CACNA1B: variants seen among roughly 807,000 people sequenced by gnomAD.
CACNA1B encodes voltage-dependent N-type calcium channel subunit alpha-1B.
A neutral mutation model predicts 247.2 loss-of-function variants in CACNA1B; 70 were observed. That is an observed-to-expected ratio of 0.28 (90% CI 0.23 to 0.35). CACNA1B has a LOEUF of 0.35. CACNA1B is among the 10% of genes least tolerant of loss of function. CACNA1B has a pLI of 1.00. For missense variants in CACNA1B, 2,367 were observed against 3,197.4 expected (o/e 0.74, Z 6.26); for synonymous variants, 1,231 against 1,294.4 (o/e 0.95, Z 1.05).
chr9:137,889,143 G>A (rs1957059729), intron 3 of CACNA1B, among the ~76,000 whole-genome samples: 1 of 150,346 alleles, frequency 6.7e-6, no homozygotes. Flanking sequence ...TCTGAACACA[G>A]GTGACAAGAG....
intron 39 of CACNA1B, among the ~76,000 whole-genome samples, chr9:138,111,329 G>A (rs1420694558): frequency 6.6e-6 from 1 of 152,246 alleles, no homozygotes; most frequent in Non-Finnish European, 1.5e-5. Flanking sequence ...AAGGAAACAC[G>A]CTACAGTTGC....
At chr9:137,961,080 A>T (rs1958016385) in intron 10 of CACNA1B, among the ~76,000 whole-genome samples, 1 of 152,188 alleles carries the variant, frequency 6.6e-6, no homozygotes, top group South Asian at 2.1e-4. Context: ...ACCGTTTATT[A>T]AGTAGGGTAT....
At chr9:138,109,515 G>GA (rs1564290562) in intron 39 of CACNA1B, among the ~76,000 whole-genome samples, 1 of 152,138 alleles carries the variant, frequency 6.6e-6, no homozygotes, top group Non-Finnish European at 1.5e-5. Flanking sequence ...TGCAGGGAGA[G>GA]AAAAAGAGCA....
At position 137,957,209 on chromosome 9, in the gene CACNA1B, A is replaced by G. The variant is rs1957959441; in HGVS notation, c.1243+382A>G. Among the ~76,000 whole-genome samples, 1 of 152,222 alleles carries G rather than the reference A, an allele frequency of 6.6e-6. No homozygotes were observed. Among genetic ancestry groups the G allele is most frequent in the Non-Finnish European group, 1.5e-5 (1 of 68,024 alleles). ...TCTCTGCACACCCACCGCTCAGGTC[A>G]GGGCCAGACAGCATGGGCACTTCCG... On this transcript the variant is annotated intron_variant, in intron 9 of 46. Coordinates refer to ENST00000371372, the MANE Select transcript of CACNA1B (RefSeq NM_000718.4). The surrounding 1 kb of genome is among the most constrained non-coding windows in gnomAD (Gnocchi z 4.7).
chr9:138,076,836 G>T (rs1485011379), intron 35 of CACNA1B, among the ~76,000 whole-genome samples: 3 of 152,230 alleles, frequency 2.0e-5, no homozygotes, highest in African/African-American at 7.2e-5. Context: ...GCGCGCTGGG[G>T]CGAGCTCAGA....
chr9:138,066,844 A>G (rs1959936934), intron 31 of CACNA1B, among the ~76,000 whole-genome samples: 1 of 152,236 alleles, frequency 6.6e-6, no homozygotes, highest in Non-Finnish European at 1.5e-5. Context: ...TAGAAAAAGA[A>G]CAACAGAATA....
At chr9:138,061,769 T>C (rs1424896190) in intron 31 of CACNA1B, among the ~76,000 whole-genome samples, 1 of 152,192 alleles carries the variant, frequency 6.6e-6, no homozygotes, top group Admixed American at 6.5e-5. Context: ...TCACTGCCCT[T>C]TCCAGGAGAG....
intron 20 of CACNA1B, 81 bp downstream of exon 20, chr9:138,025,253 G>C (rs1378582165): frequency 1.1e-6 from 1 of 930,540 alleles, no homozygotes; most frequent in East Asian, 2.6e-5. Context: ...CTCCACAGCA[G>C]CCACTGGGGA....
chr9:138,073,344 G>A lies in CACNA1B; in HGVS notation c.4675-144G>A. The A allele has an allele frequency of 1.7e-6, 1 of 605,630 alleles. No homozygotes were observed. The allele number at this position is 605,630 out of a possible 1,614,324, so 37.5% of individuals were successfully genotyped here. ...CTGGTGGCCGATTGCTGCTTAGACT[G>A]TGAAGCAGAGACCTTTGATTTTAAT... On this transcript the variant is annotated intron_variant, in intron 32 of 46. Coordinates refer to ENST00000371372, the MANE Select transcript of CACNA1B (RefSeq NM_000718.4). This position sits in a 1 kb window ranked among gnomAD's most constrained non-coding sequence, Gnocchi z 6.4.
In CACNA1B at chr9:137,975,959, G is replaced by A. The variant is rs1958214941; in HGVS notation, c.1596G>A (p.Lys532=). The A allele has an allele frequency of 1.2e-6, 2 of 1,613,882 alleles. No homozygotes were observed. The highest frequency in any genetic ancestry group is 1.1e-5 in the South Asian group (1 of 91,072). The change falls in exon 12 of 47, where the codon AAG becomes AAA. Residue 532 remains lysine, a synonymous_variant. Coordinates refer to ENST00000371372, the MANE Select transcript of CACNA1B (RefSeq NM_000718.4). ...LGLFLTEMSL[K]MYGLGPRSYF... ...TCTTCCTCACAGAGATGTCCCTGAAGATGTATGGCCTGGGGCCCAGAAGCT... is the reference window on the plus strand; with the variant it reads ...TCTTCCTCACAGAGATGTCCCTGAAAATGTATGGCCTGGGGCCCAGAAGCT...
intron 6 of CACNA1B, among the ~76,000 whole-genome samples, chr9:137,933,086 C>A (rs560963110): frequency 6.6e-6 from 1 of 152,144 alleles, no homozygotes; most frequent in African/African-American, 2.4e-5. Context: ...GCGCGTGCCA[C>A]CACGCCCGGC....
chr9:137,962,807 G>A (rs1305904541), intron 10 of CACNA1B, among the ~76,000 whole-genome samples: 1 of 152,122 alleles, frequency 6.6e-6, no homozygotes, highest in Non-Finnish European at 1.5e-5. Flanking sequence ...CCAATTATGT[G>A]ATCAATTTTA....
intron 16 of CACNA1B, 69 bp from the exon 17 acceptor site, chr9:138,009,941 T>C: frequency 8.1e-7 from 1 of 1,239,042 alleles, no homozygotes; most frequent in Non-Finnish European, 1.2e-6. Flanking sequence ...TCTGGGGAGA[T>C]GGGGGAAGCT....
At chr9:137,903,372 G>A (rs915083607) in intron 3 of CACNA1B, among the ~76,000 whole-genome samples, 2 of 152,076 alleles carry the variant, frequency 1.3e-5, no homozygotes, top group Non-Finnish European at 2.9e-5. Context: ...GCGAGAGAGC[G>A]AGACTCCATC....
chr9:138,119,882 G>T (rs915805785), intron 44 of CACNA1B, among the ~76,000 whole-genome samples: 1 of 152,206 alleles, frequency 6.6e-6, no homozygotes, highest in Non-Finnish European at 1.5e-5. Context: ...TCCCATTGCA[G>T]CCAGCAGAGG....
chr9:138,008,064 C>T (rs1453258217), intron 16 of CACNA1B, among the ~76,000 whole-genome samples: 5 of 152,312 alleles, frequency 3.3e-5, no homozygotes, highest in Middle Eastern at 3.4e-3. Flanking sequence ...GTGGGGGATC[C>T]AGCCTTCCTG....
intron 20 of CACNA1B, among the ~76,000 whole-genome samples, chr9:138,030,737 A>C (rs1029153250): frequency 2.0e-5 from 3 of 152,194 alleles, no homozygotes; most frequent in Admixed American, 6.5e-5. Context: ...TACAAATATA[A>C]TTTCCTTAAT....
chr9:138,058,247 C>T lies in CACNA1B; in HGVS notation c.4305C>T (p.Asn1435=), dbSNP rs200889484. Residue 1435 remains asparagine (N), a synonymous_variant, in exon 28 of 47, where the codon AAC becomes AAT. Coordinates refer to ENST00000371372, the MANE Select transcript of CACNA1B (RefSeq NM_000718.4). This position sits in a 1 kb window ranked among gnomAD's most constrained non-coding sequence, Gnocchi z 4.7. ...TGTCTGAATGCAGCCTGGAGAAGAA[C>T]GAGGTAGGTGGACGCTCTGTGGAGT... ...KVMSECSLEK[N]ERACIDFAIS... is the part of the protein sequence containing the mutation. The T allele has an allele frequency of 1.4e-5, 23 of 1,612,072 alleles. No individual in the cohort carries two copies. Among genetic ancestry groups the T allele is most frequent in the African/African-American group, 5.3e-5 (4 of 74,868 alleles).
chr9:137,902,613 AGT>A (rs1957251652), intron 3 of CACNA1B, among the ~76,000 whole-genome samples: 2 of 152,256 alleles, frequency 1.3e-5, no homozygotes, highest in Admixed American at 6.5e-5. Flanking sequence ...GTTTACAAAA[AGT>A]AACTGATTTT....
Sources: gnomAD v4.1 joint callset for allele counts (sites outside exome capture counted in the v4.1 genomes callset) on GRCh38, gnomAD v4.1.1 for gene constraint, Gnocchi (gnomAD v3.1) non-coding constraint, MANE v1.5 for transcripts, NCBI Gene and HGNC (gene_info 2026-07-23, HGNC 2026-07-21) for gene names.